Variants in PTGFRN observed in about 807,000 individuals in gnomAD.
The protein encoded by PTGFRN is prostaglandin F2 receptor inhibitor.
Under a neutral mutation model 83.2 loss-of-function variants are expected in PTGFRN, and 35 were observed. That is an observed-to-expected ratio of 0.42 (90% CI 0.32 to 0.56). PTGFRN has a LOEUF of 0.56. PTGFRN is among the 20% of genes least tolerant of loss of function. PTGFRN has a pLI of 0.11. For synonymous variants in PTGFRN, 519 were observed against 498.6 expected (o/e 1.04, Z -0.55); for missense variants, 1,051 against 1,179.5 (o/e 0.89, Z 1.60).
intron 7 of PTGFRN, among the ~76,000 whole-genome samples, chr1:116,979,108 C>T (rs1651238189): frequency 6.6e-6 from 1 of 152,066 alleles, no homozygotes; most frequent in Non-Finnish European, 1.5e-5. Context: ...CATGAGTGAA[C>T]TCCCATTCAC....
chr1:116,943,083 A>G (rs1251043377), intron 2 of PTGFRN, among the ~76,000 whole-genome samples: 1 of 152,180 alleles, frequency 6.6e-6, no homozygotes, highest in African/African-American at 2.4e-5. Flanking sequence ...AATGTATGTA[A>G]TTATCAGAAA....
intron 4 of PTGFRN, among the ~76,000 whole-genome samples, chr1:116,960,839 G>C (rs1174004038): frequency 6.6e-6 from 1 of 152,156 alleles, no homozygotes; most frequent in Non-Finnish European, 1.5e-5. Flanking sequence ...TCCAGTGGGG[G>C]TGTTGGAGGT....
At chr1:116,914,758 A>G (rs1649358096) in intron 1 of PTGFRN, among the ~76,000 whole-genome samples, 1 of 151,952 alleles carries the variant, frequency 6.6e-6, no homozygotes, top group Non-Finnish European at 1.5e-5. Context: ...TGTCTCAAAA[A>G]AAAAAAAGGA....
At chr1:116,982,907 C>T (rs748684923) in intron 7 of PTGFRN, among the ~76,000 whole-genome samples, 8 of 152,258 alleles carry the variant, frequency 5.3e-5, no homozygotes, top group Non-Finnish European at 1.2e-4. Flanking sequence ...ACAGCCAGTA[C>T]CTGCAGTGGC....
At chr1:116,967,411 A>G in intron 6 of PTGFRN, 81 bp downstream of exon 6, 1 of 1,406,352 alleles carries the variant, frequency 7.1e-7, no homozygotes, top group Non-Finnish European at 9.7e-7. Flanking sequence ...ATTTTTTAAA[A>G]CAGCTTTGTT....
Position 116,944,934 on chromosome 1 carries a change from T to G in PTGFRN, c.674T>G (p.Val225Gly). 6.2e-7 allele frequency: 1 copy of G among 1,613,056 alleles called. No individual in the cohort carries two copies. The highest frequency in any genetic ancestry group is 8.5e-7 in the Non-Finnish European group (1 of 1,179,980). The change falls in exon 3 of 9, where the codon GTG becomes GGG. Residue 225 changes from valine to glycine, a missense_variant. Val to Gly is a moderately radical substitution (Grantham distance 109). Coordinates refer to ENST00000393203, the MANE Select transcript of PTGFRN (RefSeq NM_020440.4). ...AGTGGGGACGTGCGCCTCGACACCG[T>G]GGGCAGCGACGCCTACCGCCTCTCA... The part of the protein sequence containing the change: ...YHSGDVRLDT[V>G]GSDAYRLSVS...
Position 116,944,951 on chromosome 1 carries a change from C to G in PTGFRN, c.691C>G (p.Arg231Gly). The change falls in exon 3 of 9, where the codon CGC becomes GGC. Residue 231 changes from arginine (R) to glycine (G), a missense_variant. This residue lies in a region of PTGFRN where 205 missense variants were observed against 174.5 expected (regional missense o/e 1.17). Coordinates refer to ENST00000393203, the MANE Select transcript of PTGFRN (RefSeq NM_020440.4). Reference sequence around the variant, plus strand: ...CGACACCGTGGGCAGCGACGCCTACCGCCTCTCAGTGTCCCGGGCTCTGTC... The same window carrying G: ...CGACACCGTGGGCAGCGACGCCTACGGCCTCTCAGTGTCCCGGGCTCTGTC... ...RLDTVGSDAY[R>G]LSVSRALSAD... 6.2e-7 allele frequency: 1 copy of G among 1,613,494 alleles called. No individual in the cohort carries two copies. The highest frequency in any genetic ancestry group is 8.5e-7 in the Non-Finnish European group (1 of 1,180,022).
At chr1:116,911,808 G>A (rs1430174453) in intron 1 of PTGFRN, among the ~76,000 whole-genome samples, 1 of 152,162 alleles carries the variant, frequency 6.6e-6, no homozygotes. Flanking sequence ...ACACCCGGTG[G>A]TAGTGCTTTT....
At chr1:116,927,951 C>A (rs979860828) in intron 1 of PTGFRN, among the ~76,000 whole-genome samples, 1 of 152,108 alleles carries the variant, frequency 6.6e-6, no homozygotes, top group African/African-American at 2.4e-5. Context: ...GGAGAACATG[C>A]GTATGAAGGC....
Position 116,967,270 on chromosome 1 carries a change from C to T in PTGFRN, c.1999C>T (p.Leu667Phe), listed in dbSNP as rs1434881562. Reference sequence around the variant, plus strand: ...AGCCTGGTCTCCTGTCAGGGGCAGCCTTTGGCGAGAAGCAGCAACCAGTCT... The same window carrying T: ...AGCCTGGTCTCCTGTCAGGGGCAGCTTTTGGCGAGAAGCAGCAACCAGTCT... Reference protein sequence around the residue: ...VTAWSPVRGSLWREAATSLSN... With the variant: ...VTAWSPVRGSFWREAATSLSN... Residue 667 changes from leucine to phenylalanine, a missense_variant, in exon 6 of 9, where the codon CTT (leucine) becomes TTT (phenylalanine). By Grantham distance (22) the Leu-to-Phe change is conservative (BLOSUM62 0). Around this residue, in one of 3 missense-constraint regions of PTGFRN, gnomAD observed 719 missense variants for 836.6 expected, o/e 0.86. Coordinates refer to ENST00000393203, the MANE Select transcript of PTGFRN (RefSeq NM_020440.4). 6.2e-7 allele frequency: 1 copy of T among 1,614,080 alleles called. No individual in the cohort carries two copies. The highest frequency in any genetic ancestry group is 1.3e-5 in the African/African-American group (1 of 74,924).
chr1:116,926,173 G>C (rs1649656029), intron 1 of PTGFRN, among the ~76,000 whole-genome samples: 1 of 152,242 alleles, frequency 6.6e-6, no homozygotes, highest in African/African-American at 2.4e-5. Flanking sequence ...GCCCAAGGAA[G>C]GGAGTCGGGT....
rs146750477 is a variant in PTGFRN at position 116,939,974 on chromosome 1, A to G, written c.50-1741A>G. ...AACAAGTTCCTCATCTCCATCTGCA[A>G]CCACCTCAGCTGGGACCTTGTCGTT... On this transcript the variant is annotated intron_variant, in intron 1 of 8. Transcript: ENST00000393203. Among the ~76,000 whole-genome samples the G allele has an allele frequency of 3.0e-4, 46 of 152,276 alleles. No homozygotes were observed. In the East Asian group the frequency reaches 5.8e-3, roughly 19 times the overall value.
intron 1 of PTGFRN, among the ~76,000 whole-genome samples, chr1:116,939,673 C>T (rs925309443): frequency 2.0e-5 from 3 of 152,178 alleles, no homozygotes; most frequent in South Asian, 2.1e-4. Flanking sequence ...TTTCTGCAGC[C>T]GGCTTGAATT....
intron 3 of PTGFRN, among the ~76,000 whole-genome samples, chr1:116,946,000 G>C (rs1650193084): frequency 6.6e-6 from 1 of 152,078 alleles, no homozygotes; most frequent in African/African-American, 2.4e-5. Context: ...CCAAGGAAGG[G>C]CAATGTCATT....
In PTGFRN at chr1:116,987,179, G is replaced by T. The variant is rs964227403; in HGVS notation, c.*212G>T. 7 of 535,886 alleles carry T rather than the reference G, an allele frequency of 1.3e-5. No homozygotes were observed. The highest frequency in any genetic ancestry group is 3.3e-5 in the East Asian group (1 of 30,640). 33.2% of individuals were successfully genotyped at this position (535,886 alleles called of 1,614,324 possible). A position where few individuals can be genotyped will look rare whatever the true frequency, so the allele number is the denominator to read the frequency against. Reference sequence around the variant, plus strand: ...TCTTCTTCCCACGGCACTTTCTGATGTAACAATCGAGTGTGTGTTTTCCCA... The same window carrying T: ...TCTTCTTCCCACGGCACTTTCTGATTTAACAATCGAGTGTGTGTTTTCCCA... On this transcript the variant is annotated 3_prime_UTR_variant, in exon 9 of 9. Transcript: ENST00000393203.
rs762799999 is a variant in PTGFRN at position 116,941,767 on chromosome 1, G to T, written c.102G>T (p.Val34=). Residue 34 remains valine, a synonymous_variant, in exon 2 of 9, where the codon GTG becomes GTT. Transcript: ENST00000393203. The surrounding 1 kb of genome is among the most constrained non-coding windows in gnomAD (Gnocchi z 5.0). The stretch of plus-strand genomic sequence containing the variant: ...TCCCCACAGCGACCCTGGTTCGAGT[G>T]GTGGGCACTGAGCTGGTCATCCCCT... The part of the protein sequence containing the change: ...VRVPTATLVR[V]VGTELVIPCN... 2 of 1,614,014 alleles carry T rather than the reference G, an allele frequency of 1.2e-6. No individual in the cohort carries two copies. Among genetic ancestry groups the T allele is most frequent in the African/African-American group, 2.7e-5 (2 of 74,924 alleles).
chr1:116,969,499 T>TA (rs1236622652), intron 6 of PTGFRN, among the ~76,000 whole-genome samples: 1 of 152,212 alleles, frequency 6.6e-6, no homozygotes, highest in Non-Finnish European at 1.5e-5. Flanking sequence ...TTGATTACTG[T>TA]AGCTTTGTAG....
chr1:116,918,703 G>T lies in PTGFRN; in HGVS notation c.49+8451G>T, dbSNP rs557022855. ...CGGGAATGTGACAGTCATTCAGTTA[G>T]CAGTGAAGGATGGAGGATAGCATAG... On this transcript the variant is annotated intron_variant, in intron 1 of 8. Coordinates refer to ENST00000393203, the MANE Select transcript of PTGFRN (RefSeq NM_020440.4). This position sits in a 1 kb window ranked among gnomAD's most constrained non-coding sequence, Gnocchi z 4.1. 8.5e-5 allele frequency among the ~76,000 whole-genome samples: 13 copies of T among 152,350 alleles called. No individual in the cohort carries two copies. Among genetic ancestry groups the T allele is most frequent in the Non-Finnish European group, 1.6e-4 (11 of 68,040 alleles).
chr1:116,946,581 G>A (rs1650207911), intron 3 of PTGFRN, among the ~76,000 whole-genome samples: 1 of 152,168 alleles, frequency 6.6e-6, no homozygotes, highest in African/African-American at 2.4e-5. Context: ...AACACACCAT[G>A]AGACCTATAA....
Sources: allele counts gnomAD v4.1 joint callset (sites outside exome capture counted in the v4.1 genomes callset), GRCh38; gene constraint gnomAD v4.1.1; regional missense constraint gnomAD v4.1.1; non-coding constraint Gnocchi (gnomAD v3.1); transcripts MANE v1.5; gene names NCBI Gene and HGNC (gene_info 2026-07-23, HGNC 2026-07-21).